EYA4: variants seen among roughly 807,000 people sequenced by gnomAD.
EYA4 encodes the protein EYA transcriptional coactivator and phosphatase 4, also known as protein phosphatase EYA4.
EYA4 carries 31 observed loss-of-function variants against 87.9 expected under a neutral mutation model. The ratio of observed to expected loss-of-function variants is 0.35; its 90% CI spans 0.27 to 0.48. EYA4 has a LOEUF of 0.48. Ranked by LOEUF, EYA4 falls within the 20% of genes least tolerant of loss-of-function variation. The pLI, the probability that EYA4 is intolerant of heterozygous loss-of-function variation, is 0.99. For missense variants in EYA4, 678 were observed against 761.4 expected (o/e 0.89, Z 1.29); for synonymous variants, 263 against 270.6 (o/e 0.97, Z 0.28).
chr6:133,288,492 G>T (rs1246548358), intron 2 of EYA4, among the ~76,000 whole-genome samples: 1 of 152,124 alleles, frequency 6.6e-6, no homozygotes, highest in East Asian at 1.9e-4. Flanking sequence ...TTTAGGAGCA[G>T]GTATCAATGA....
chr6:133,499,151 A>G (rs1246257182), intron 13 of EYA4, among the ~76,000 whole-genome samples: 2 of 152,154 alleles, frequency 1.3e-5, no homozygotes, highest in Admixed American at 6.5e-5. Flanking sequence ...ATTTAATCTC[A>G]TATCTTGAGA....
At chr6:133,376,566 C>T (rs1785700794) in intron 2 of EYA4, among the ~76,000 whole-genome samples, 1 of 151,774 alleles carries the variant, frequency 6.6e-6, no homozygotes, top group Non-Finnish European at 1.5e-5. Context: ...GATAATTGAG[C>T]CCAGCTATTT....
At chr6:133,316,507 C>T (rs1024438362) in intron 2 of EYA4, among the ~76,000 whole-genome samples, 2 of 152,002 alleles carry the variant, frequency 1.3e-5, no homozygotes, top group Non-Finnish European at 2.9e-5. Flanking sequence ...TTTTAGATAA[C>T]CTGATAGTTT....
rs780492105 is a variant in EYA4 at position 133,257,511 on chromosome 6, G to A, written c.-66+15762G>A. The stretch of plus-strand genomic sequence containing the variant: ...TAAAGTATTATTTTACATCAGATTC[G>A]ACCAGTTACCTTTATCCTTTTTGGA... On this transcript the variant is annotated intron_variant, in intron 1 of 19. Coordinates refer to ENST00000355286, the MANE Select transcript of EYA4 (RefSeq NM_004100.5). Among the ~76,000 whole-genome samples the A allele has an allele frequency of 6.0e-4, 92 of 152,104 alleles. No homozygotes were observed. The Middle Eastern group carries it at 0.014, about 23-fold the overall frequency.
intron 1 of EYA4, among the ~76,000 whole-genome samples, chr6:133,255,778 T>G (rs1468288385): frequency 6.6e-6 from 1 of 152,118 alleles, no homozygotes; most frequent in African/African-American, 2.4e-5. Context: ...TTCTATTTAA[T>G]GTATGCAGAT....
At chr6:133,428,669 G>A (rs569365437) in intron 3 of EYA4, among the ~76,000 whole-genome samples, 3 of 152,106 alleles carry the variant, frequency 2.0e-5, no homozygotes, top group Admixed American at 6.5e-5. Flanking sequence ...TCTCCTCTGG[G>A]GATAGAATGA....
Position 133,388,919 on chromosome 6 carries a change from G to A in EYA4, c.83+6478G>A, listed in dbSNP as rs1377428018. Reference sequence around the variant, plus strand: ...CTCTTGATGTGGCCCACAGTGCCTAGCATGCTCCGCCCACGTCCTTCTGCT... The same window carrying A: ...CTCTTGATGTGGCCCACAGTGCCTAACATGCTCCGCCCACGTCCTTCTGCT... On this transcript the variant is annotated intron_variant, in intron 3 of 19. Coordinates refer to ENST00000355286, the MANE Select transcript of EYA4 (RefSeq NM_004100.5). Among the ~76,000 whole-genome samples the A allele has an allele frequency of 3.9e-5, 6 of 152,110 alleles. No individual in the cohort carries two copies. In the East Asian group the frequency reaches 1.2e-3, roughly 29 times the overall value.
chr6:133,477,190 G>T (rs570007523), intron 11 of EYA4, among the ~76,000 whole-genome samples: 1 of 151,948 alleles, frequency 6.6e-6, no homozygotes, highest in Admixed American at 6.6e-5. Flanking sequence ...TCTTTATAGC[G>T]ATGTGAAAAT....
intron 3 of EYA4, among the ~76,000 whole-genome samples, chr6:133,442,985 G>A (rs1359230513): frequency 6.6e-6 from 1 of 151,780 alleles, no homozygotes; most frequent in Non-Finnish European, 1.5e-5. Flanking sequence ...AGCGCACTTG[G>A]TCATGATTTT....
intron 2 of EYA4, among the ~76,000 whole-genome samples, chr6:133,343,836 A>G (rs1240947065): frequency 1.3e-5 from 2 of 152,094 alleles, no homozygotes; most frequent in African/African-American, 2.4e-5. Flanking sequence ...AAAAGTCCAC[A>G]TAAGTGTTTA....
intron 2 of EYA4, among the ~76,000 whole-genome samples, chr6:133,331,860 T>C (rs115593623): frequency 2.8e-3 from 430 of 152,360 alleles, no homozygotes; most frequent in African/African-American, 9.9e-3. Context: ...ATGTCGCCTT[T>C]TAGAGGCCAA....
intron 5 of EYA4, among the ~76,000 whole-genome samples, chr6:133,449,386 A>G (rs1051284916): frequency 1.3e-5 from 2 of 152,250 alleles, no homozygotes; most frequent in Admixed American, 6.5e-5. Context: ...TTCTTAGCTT[A>G]CTGGCTGTGG....
At chr6:133,429,157 C>T (rs1790958938) in intron 3 of EYA4, among the ~76,000 whole-genome samples, 1 of 151,744 alleles carries the variant, frequency 6.6e-6, no homozygotes, top group Admixed American at 6.6e-5. Flanking sequence ...TAACTCCTGA[C>T]CTCATGATCC....
intron 2 of EYA4, among the ~76,000 whole-genome samples, chr6:133,312,073 G>C (rs896683266): frequency 6.6e-6 from 1 of 152,160 alleles, no homozygotes; most frequent in African/African-American, 2.4e-5. Flanking sequence ...GTGATGAGTG[G>C]GAGTACAGGA....
intron 3 of EYA4, among the ~76,000 whole-genome samples, chr6:133,386,470 GTC>G (rs914491107): frequency 2.6e-5 from 4 of 152,052 alleles, no homozygotes; most frequent in Admixed American, 1.3e-4. Flanking sequence ...ATCTTAGGGT[GTC>G]TCTGTGTTAA....
In EYA4 at chr6:133,315,588, G is replaced by A. The variant is rs139832254; in HGVS notation, c.33+40775G>A. On this transcript the variant is annotated intron_variant, in intron 2 of 19. Coordinates refer to ENST00000355286, the MANE Select transcript of EYA4 (RefSeq NM_004100.5). ...AAATGAGTGCAAGAAACGCGCCACT[G>A]ATAGAAAAGTGGGAAGATACTGAAG... 2.6e-5 allele frequency among the ~76,000 whole-genome samples: 4 copies of A among 152,234 alleles called. No homozygotes were observed. In the East Asian group the frequency reaches 7.7e-4, roughly 29 times the overall value.
chr6:133,468,750 G>A lies in EYA4; in HGVS notation c.970+19G>A, dbSNP rs757415240. On this transcript the variant is annotated intron_variant, in intron 11 of 19. Coordinates refer to ENST00000355286, the MANE Select transcript of EYA4 (RefSeq NM_004100.5). ...CAACCAGGTACAGATCTTCACCCAG[G>A]TGAAATACTTTTATATGTTTTGCAA... is the stretch of plus-strand genomic sequence containing the variant. 3.1e-6 allele frequency: 5 copies of A among 1,611,876 alleles called. No homozygotes were observed. The East Asian group carries it at 1.1e-4, about 36-fold the overall frequency.
chr6:133,497,853 C>T (rs1797766713), intron 13 of EYA4, among the ~76,000 whole-genome samples: 1 of 152,068 alleles, frequency 6.6e-6, no homozygotes. Flanking sequence ...TAGCCCAAGT[C>T]AGGGGGAAAA....
intron 1 of EYA4, among the ~76,000 whole-genome samples, chr6:133,250,310 C>G (rs920497491): frequency 2.0e-5 from 3 of 152,062 alleles, no homozygotes; most frequent in African/African-American, 7.2e-5. Flanking sequence ...TACTTGAAAT[C>G]TGAGAGACTC....
Sources: gnomAD v4.1 joint callset for allele counts (sites outside exome capture counted in the v4.1 genomes callset) on GRCh38, gnomAD v4.1.1 for gene constraint, MANE v1.5 for transcripts, NCBI Gene and HGNC (gene_info 2026-07-23, HGNC 2026-07-21) for gene names.